Variants in PTPRT observed in about 807,000 individuals in gnomAD.
The protein encoded by PTPRT is protein tyrosine phosphatase receptor type T.
PTPRT carries 56 observed loss-of-function variants against 176.8 expected under a neutral mutation model. The observed-to-expected ratio is 0.32, with a 90% CI of 0.26 to 0.40. The LOEUF is 0.40. Among genes scored for constraint, PTPRT ranks in the 10% least tolerant of loss-of-function variants. The pLI is 1.00. For missense variants in PTPRT, 1,540 were observed against 1,908.2 expected (o/e 0.81, Z 3.60); for synonymous variants, 783 against 739.0 (o/e 1.06, Z -0.96).
chr20:42,629,654 G>A (rs543498144), intron 7 of PTPRT, among the ~76,000 whole-genome samples: 1 of 152,248 alleles, frequency 6.6e-6, no homozygotes, highest in South Asian at 2.1e-4. Flanking sequence ...TGGTCTGCTT[G>A]GTACTCAGAG....
rs529788483 is a variant in PTPRT, at chr20:42,967,892, C to T, written c.89-81960G>A. Among the ~76,000 whole-genome samples, 8 of 152,300 alleles carry T rather than the reference C, an allele frequency of 5.3e-5. 1 individual carries two copies. The highest frequency in any genetic ancestry group is 1.9e-4 in the African/African-American group (8 of 41,578). On this transcript the variant is annotated intron_variant, in intron 1 of 30. Transcript: ENST00000373187. ...TGATACGTTCTTGCCCTACACTTCA[C>T]TCAATGCTGGCAACCCAATGAGGGA...
intron 15 of PTPRT, among the ~76,000 whole-genome samples, chr20:42,221,252 C>T (rs2055880031): frequency 6.6e-6 from 1 of 152,136 alleles, no homozygotes; most frequent in Admixed American, 6.5e-5. Context: ...GATCCATCCG[C>T]CTTGGCCTCC....
At chr20:42,051,739 G>T in the PTPRT span, among the ~76,000 whole-genome samples, 1 of 152,200 alleles carries the variant, frequency 6.6e-6, no homozygotes, top group Non-Finnish European at 1.5e-5. Flanking sequence ...TGGTGCATGT[G>T]TACAAATAAA....
intron 1 of PTPRT, among the ~76,000 whole-genome samples, chr20:43,116,055 C>T (rs552232231): frequency 6.6e-6 from 1 of 152,326 alleles, no homozygotes; most frequent in East Asian, 1.9e-4. Flanking sequence ...CTAATTGATC[C>T]TTGCAGGGGA....
At position 43,082,008 on chromosome 20, in the gene PTPRT, C is replaced by A. The variant is rs373230151; in HGVS notation, c.88+107638G>T. Among the ~76,000 whole-genome samples the A allele has an allele frequency of 8.7e-4, 133 of 152,236 alleles. 4 individuals carry two copies. In the South Asian group the frequency reaches 0.026, roughly 30 times the overall value. ...GGTATTGTGGCATTCCCAGAAAAAA[C>A]CATTTTTCATCTTTTTTGATGTTCA... On this transcript the variant is annotated intron_variant, in intron 1 of 30. Coordinates refer to ENST00000373187, the MANE Select transcript of PTPRT (RefSeq NM_007050.6).
intron 13 of PTPRT, among the ~76,000 whole-genome samples, chr20:42,272,301 G>C (rs1446824999): frequency 1.3e-5 from 2 of 152,122 alleles, no homozygotes; most frequent in South Asian, 4.1e-4. Flanking sequence ...ACAAACTTTA[G>C]TATTTGTGAC....
intron 11 of PTPRT, among the ~76,000 whole-genome samples, chr20:42,350,228 T>TTGTTTTG (rs1555830566): frequency 1.4e-4 from 16 of 118,072 alleles, no homozygotes; most frequent in East Asian, 1.1e-3. Flanking sequence ...TTTTTTTTTT[T>TTGTTTTG]TTTTTTTTTT....
chr20:42,799,869 G>A (rs1053065205), intron 2 of PTPRT, among the ~76,000 whole-genome samples: 3 of 152,110 alleles, frequency 2.0e-5, no homozygotes, highest in Non-Finnish European at 1.5e-5. Flanking sequence ...ACTTTACAGC[G>A]ACTTTACCTG....
At chr20:42,463,987 C>T (rs750586277) in intron 8 of PTPRT, among the ~76,000 whole-genome samples, 5 of 152,122 alleles carry the variant, frequency 3.3e-5, no homozygotes, top group Non-Finnish European at 5.9e-5. Flanking sequence ...TCACAACCTG[C>T]TCTCCAGGGA....
At chr20:42,604,674 C>G (rs546316754) in intron 7 of PTPRT, among the ~76,000 whole-genome samples, 2 of 152,280 alleles carry the variant, frequency 1.3e-5, no homozygotes, top group South Asian at 4.1e-4. Flanking sequence ...CCCAAGAGCT[C>G]TGGGCCCAGC....
At chr20:42,275,746 A>T (rs2057018325) in intron 13 of PTPRT, among the ~76,000 whole-genome samples, 2 of 152,210 alleles carry the variant, frequency 1.3e-5, no homozygotes, top group Admixed American at 6.5e-5. Context: ...ACTTCTTGCA[A>T]AACCTTTAGG....
chr20:42,185,282 T>C (rs1225462030), intron 16 of PTPRT, among the ~76,000 whole-genome samples: 1 of 152,180 alleles, frequency 6.6e-6, no homozygotes, highest in Non-Finnish European at 1.5e-5. Flanking sequence ...GCTTCTTTCC[T>C]TTACTATTTT....
intron 1 of PTPRT, among the ~76,000 whole-genome samples, chr20:43,148,898 T>C (rs1009468697): frequency 3.9e-5 from 6 of 152,206 alleles, no homozygotes; most frequent in Admixed American, 3.9e-4. Context: ...CAGTAGTATC[T>C]GCTCAAGAAA....
At chr20:42,259,316 A>G (rs1411298362) in intron 13 of PTPRT, among the ~76,000 whole-genome samples, 2 of 152,234 alleles carry the variant, frequency 1.3e-5, no homozygotes, top group Non-Finnish European at 2.9e-5. Context: ...CTATTAAGAA[A>G]GTGTCTTTTT....
At chr20:42,613,209 C>T (rs1017341221) in intron 7 of PTPRT, among the ~76,000 whole-genome samples, 17 of 152,220 alleles carry the variant, frequency 1.1e-4, no homozygotes, top group African/African-American at 3.1e-4. Flanking sequence ...AGCCCAATGG[C>T]TTTCTGGCAG....
At chr20:42,529,848 AAAAAAAAAAAAAAAAAAG>A (rs966426801) in intron 7 of PTPRT, among the ~76,000 whole-genome samples, 5 of 84,910 alleles carry the variant, frequency 5.9e-5, no homozygotes, top group Non-Finnish European at 1.0e-4. Context: ...TTGTTAGAGG[AAAAAAAAAAAAAAAAAAG>A]AAAAAAAAGA....
chr20:43,181,737 T>A (rs1038249278), intron 1 of PTPRT, among the ~76,000 whole-genome samples: 3 of 152,086 alleles, frequency 2.0e-5, no homozygotes, highest in African/African-American at 4.8e-5. Context: ...ACACCAAAAA[T>A]ATGCACCCAG....
At chr20:42,233,618 A>G (rs563763310) in intron 15 of PTPRT, among the ~76,000 whole-genome samples, 1 of 152,282 alleles carries the variant, frequency 6.6e-6, no homozygotes, top group East Asian at 1.9e-4. Context: ...TGGTTCATCT[A>G]TCACAAGTGC....
chr20:42,826,558 C>T (rs2077997534), intron 2 of PTPRT, among the ~76,000 whole-genome samples: 1 of 152,210 alleles, frequency 6.6e-6, no homozygotes, highest in African/African-American at 2.4e-5. Context: ...AAGATAAGTG[C>T]TTCTCAGCCT....
Sources: allele counts gnomAD v4.1 joint callset (sites outside exome capture counted in the v4.1 genomes callset), GRCh38; gene constraint gnomAD v4.1.1; transcripts MANE v1.5; gene names NCBI Gene and HGNC (gene_info 2026-07-23, HGNC 2026-07-21).